The following CCDC25 variants were observed in gnomAD, a reference collection of about 807,000 sequenced individuals.
CCDC25 encodes the protein coiled-coil domain containing 25, also known as coiled-coil domain-containing protein 25.
CCDC25 carries 16 observed loss-of-function variants against 35.3 expected under a neutral mutation model. That is an observed-to-expected ratio of 0.45 (90% CI 0.31 to 0.69). The LOEUF (loss-of-function observed/expected upper bound fraction) is 0.69. Among genes scored for constraint, CCDC25 ranks in the 30% least tolerant of loss-of-function variants. CCDC25 has a pLI of 0.06. For synonymous variants in CCDC25, 79 were observed against 80.3 expected (o/e 0.98, Z 0.09); for missense variants, 179 against 250.7 (o/e 0.71, Z 1.93).
Position 27,735,242 on chromosome 8 carries a change from G to GA in CCDC25, c.*973dup, listed in dbSNP as rs1260886391. On this transcript the variant is annotated 3_prime_UTR_variant, in exon 9 of 9. Coordinates refer to ENST00000356537, the MANE Select transcript of CCDC25 (RefSeq NM_018246.3). ...CCCATACACCAACATGGAATAAATGGAAACACTAGCCTTTTGGTTTTGCCC... is the reference window on the plus strand; with the variant it reads ...CCCATACACCAACATGGAATAAATGGAAAACACTAGCCTTTTGGTTTTGCCC... 3 of 152,588 alleles carry GA rather than the reference G, an allele frequency of 2.0e-5. No individual in the cohort carries two copies. Among genetic ancestry groups the GA allele is most frequent in the Non-Finnish European group, 2.9e-5 (2 of 68,040 alleles). 9.5% of individuals were successfully genotyped at this position (152,588 alleles called of 1,614,324 possible). A position where few individuals can be genotyped will look rare whatever the true frequency, so the allele number is the denominator to read the frequency against.
intron 4 of CCDC25, chr8:27,756,374 T>C (rs549922393): frequency 2.8e-5 from 5 of 181,466 alleles, no homozygotes; most frequent in South Asian, 3.0e-4. Context: ...GGCAGGAGAA[T>C]CACATGAGCC....
chr8:27,752,773 G>A (rs1352103662), intron 4 of CCDC25, 186 bp from the exon 5 acceptor site: 1 of 310,350 alleles, frequency 3.2e-6, no homozygotes, highest in Non-Finnish European at 5.8e-6. Context: ...TTTAAAATAA[G>A]AGAAGGCTGT....
rs889084776 is a variant in CCDC25 at position 27,735,129 on chromosome 8, C to T, written c.*1087G>A. 1.0e-4 allele frequency: 16 copies of T among 152,554 alleles called. No individual in the cohort carries two copies. The highest frequency in any genetic ancestry group is 3.6e-4 in the African/African-American group (15 of 41,418). 9.5% of individuals were successfully genotyped at this position (152,554 alleles called of 1,614,324 possible). On this transcript the variant is annotated 3_prime_UTR_variant, in exon 9 of 9. Coordinates refer to ENST00000356537, the MANE Select transcript of CCDC25 (RefSeq NM_018246.3). ...CAGACTGAATATCATCAGACACATA[C>T]ACAAAACCACTCATCTCTAAAGTCA...
chr8:27,771,246 G>T (rs1457563782), intron 1 of CCDC25, among the ~76,000 whole-genome samples: 2 of 152,000 alleles, frequency 1.3e-5, no homozygotes, highest in Non-Finnish European at 2.9e-5. Flanking sequence ...TAGGAGCAAC[G>T]GTATACTGTA....
At chr8:27,756,595 T>C in intron 4 of CCDC25, 124 bp downstream of exon 4, 1 of 667,722 alleles carries the variant, frequency 1.5e-6, no homozygotes, top group South Asian at 1.8e-5. Context: ...CACGTCTTCA[T>C]TTGTTAACTT....
intron 3 of CCDC25, among the ~76,000 whole-genome samples, chr8:27,758,346 GT>G (rs1183757375): frequency 6.6e-6 from 1 of 152,196 alleles, no homozygotes; most frequent in Non-Finnish European, 1.5e-5. Context: ...AAAGAGGTTA[GT>G]CATCTTGCTA....
chr8:27,736,471 C>G (rs1257095522), intron 8 of CCDC25, among the ~76,000 whole-genome samples: 1 of 152,162 alleles, frequency 6.6e-6, no homozygotes, highest in Non-Finnish European at 1.5e-5. Flanking sequence ...CCTGATTACA[C>G]AGCAGTAAGT....
chr8:27,748,390 C>T (rs2128939086), intron 6 of CCDC25, 105 bp downstream of exon 6: 4 of 1,314,234 alleles, frequency 3.0e-6, no homozygotes, highest in South Asian at 1.2e-5. Flanking sequence ...CTTTAGAAAA[C>T]ATATATCATG....
chr8:27,739,271 C>T (rs1803357967), intron 8 of CCDC25, among the ~76,000 whole-genome samples: 1 of 152,128 alleles, frequency 6.6e-6, no homozygotes, highest in Non-Finnish European at 1.5e-5. Context: ...CATAAAGGAG[C>T]CTCGTACATT....
intron 7 of CCDC25, among the ~76,000 whole-genome samples, chr8:27,743,378 C>G (rs1341260381): frequency 6.6e-6 from 1 of 152,228 alleles, no homozygotes; most frequent in Non-Finnish European, 1.5e-5. Flanking sequence ...GATGGCTTCA[C>G]AGTGCTCTTA....
chr8:27,753,548 C>CA (rs1312835738), intron 4 of CCDC25, among the ~76,000 whole-genome samples: 2 of 151,738 alleles, frequency 1.3e-5, no homozygotes, highest in African/African-American at 4.8e-5. Flanking sequence ...CCATATCTAC[C>CA]AAAAAAAATT....
At chr8:27,751,618 G>T (rs1332019675) in intron 5 of CCDC25, among the ~76,000 whole-genome samples, 1 of 152,124 alleles carries the variant, frequency 6.6e-6, no homozygotes, top group Non-Finnish European at 1.5e-5. Flanking sequence ...CCAACCCTCT[G>T]GAGCATCCCT....
intron 2 of CCDC25, among the ~76,000 whole-genome samples, chr8:27,762,941 C>T (rs1446211063): frequency 1.3e-5 from 2 of 152,034 alleles, no homozygotes; most frequent in Admixed American, 1.3e-4. Context: ...AATTCTATCA[C>T]ACATGGAAAT....
chr8:27,766,148 T>C (rs554312295), intron 1 of CCDC25, among the ~76,000 whole-genome samples: 4 of 152,332 alleles, frequency 2.6e-5, no homozygotes, highest in South Asian at 2.1e-4. Context: ...CCTGAATTCA[T>C]AGACACTGGG....
chr8:27,761,116 C>T (rs1044284404), intron 3 of CCDC25, among the ~76,000 whole-genome samples: 1 of 151,382 alleles, frequency 6.6e-6, no homozygotes, highest in African/African-American at 2.4e-5. Context: ...GCAACAAGGG[C>T]GAAACTCCGT....
rs73566229 is a variant in CCDC25 at position 27,755,711 on chromosome 8, C to T, written c.168+1008G>A. ...AATACACGCACCCGATATGCTGTGACGAGACAGGCACTTCACCTCTGTGAT... is the reference window on the plus strand; with the variant it reads ...AATACACGCACCCGATATGCTGTGATGAGACAGGCACTTCACCTCTGTGAT... On this transcript the variant is annotated intron_variant, in intron 4 of 8. Coordinates refer to ENST00000356537, the MANE Select transcript of CCDC25 (RefSeq NM_018246.3). 8.3e-3 allele frequency among the ~76,000 whole-genome samples: 1,269 copies of T among 152,288 alleles called. 20 individuals carry two copies. The highest frequency in any genetic ancestry group is 0.029 in the African/African-American group (1,210 of 41,564).
chr8:27,740,844 A>G (rs1045063719), intron 7 of CCDC25, among the ~76,000 whole-genome samples: 10 of 152,198 alleles, frequency 6.6e-5, no homozygotes, highest in African/African-American at 2.2e-4. Context: ...CCAAGATCTG[A>G]TAAGATTCAC....
chr8:27,765,092 A>T, intron 2 of CCDC25, 112 bp downstream of exon 2: 1 of 928,570 alleles, frequency 1.1e-6, no homozygotes, highest in South Asian at 1.6e-5. Context: ...AGTTTATCAA[A>T]GTAGGTGAAA....
At chr8:27,767,420 G>A (rs1804437078) in intron 1 of CCDC25, among the ~76,000 whole-genome samples, 1 of 152,102 alleles carries the variant, frequency 6.6e-6, no homozygotes, top group Admixed American at 6.6e-5. Flanking sequence ...TGCAGGCCAA[G>A]CTGTCTAAGC....
Sources: allele counts gnomAD v4.1 joint callset (sites outside exome capture counted in the v4.1 genomes callset), GRCh38; gene constraint gnomAD v4.1.1; transcripts MANE v1.5; gene names NCBI Gene and HGNC (gene_info 2026-07-23, HGNC 2026-07-21).